The following KANSL1L variants were observed in gnomAD, a reference collection of about 807,000 sequenced individuals.
The protein encoded by KANSL1L is KAT8 regulatory NSL complex subunit 1 like.
In KANSL1L, 25 loss-of-function variants were observed where a neutral mutation model predicts 108.6. The observed-to-expected ratio is 0.23, with a 90% CI of 0.17 to 0.32. KANSL1L has a LOEUF of 0.32. KANSL1L is among the 10% of genes least tolerant of loss of function. The pLI is 1.00. For synonymous variants in KANSL1L, 405 were observed against 395.1 expected, an observed-to-expected ratio of 1.03 and a Z score of -0.30; for missense variants, 1,137 against 1,125.7, an observed-to-expected ratio of 1.01 and a Z score of -0.14.
rs1455012923 is a variant in KANSL1L at position 210,029,787 on chromosome 2, A to G, written c.2271+16T>C. The G allele has an allele frequency of 6.1e-6, 8 of 1,310,810 alleles. No homozygotes were observed. The highest frequency in any genetic ancestry group is 8.7e-6 in the Non-Finnish European group (8 of 920,478). The allele number at this position is 1,310,810 out of a possible 1,614,324, so 81.2% of individuals were successfully genotyped here. The stretch of plus-strand genomic sequence containing the variant: ...TTTTAAAGCTATTTTAGAGTTCAAC[A>G]TATGGAAAAACCTACTCGTGATGAA... On this transcript the variant is annotated intron_variant, in intron 10 of 14. Coordinates refer to ENST00000281772, the MANE Select transcript of KANSL1L (RefSeq NM_152519.4).
intron 2 of KANSL1L, among the ~76,000 whole-genome samples, chr2:210,131,205 G>T (rs1191671943): frequency 6.6e-6 from 1 of 152,134 alleles, no homozygotes; most frequent in Non-Finnish European, 1.5e-5. Context: ...TCTGCTGTGT[G>T]AAACCATTGA....
chr2:210,030,792 A>G (rs1009236350), intron 9 of KANSL1L: 6 of 152,024 alleles, frequency 3.9e-5, no homozygotes, highest in African/African-American at 4.8e-5. Context: ...CATTACATTG[A>G]CTTTTGACAG....
At chr2:210,072,089 G>T (rs1041355227) in intron 6 of KANSL1L, among the ~76,000 whole-genome samples, 4 of 152,044 alleles carry the variant, frequency 2.6e-5, no homozygotes, top group Admixed American at 2.6e-4. Flanking sequence ...TTCCTCAATT[G>T]TCCCAATAAT....
At chr2:210,083,625 G>A (rs1358110900) in intron 5 of KANSL1L, among the ~76,000 whole-genome samples, 2 of 151,832 alleles carry the variant, frequency 1.3e-5, no homozygotes, top group African/African-American at 2.4e-5. Flanking sequence ...TTAGGAGATC[G>A]AGACCATCCT....
intron 6 of KANSL1L, among the ~76,000 whole-genome samples, chr2:210,052,596 A>C (rs1256230658): frequency 1.3e-5 from 2 of 152,146 alleles, no homozygotes; most frequent in Non-Finnish European, 2.9e-5. Context: ...TCCTATCTAA[A>C]ATAAACTCCT....
At position 210,028,924 on chromosome 2, in the gene KANSL1L, C is replaced by T. The variant is rs780884577; in HGVS notation, c.2317G>A (p.Asp773Asn). ...AATGACATGGGAATCACAATGTTAT[C>T]TATGTCATAAGAGCTCTCACTTCTC... is the stretch of plus-strand genomic sequence containing the variant. ...RLRSESSYDI[D>N]NIVIPMSLVA... is the part of the protein sequence containing the mutation. Residue 773 changes from aspartate to asparagine, a missense_variant, in exon 11 of 15, where the codon GAT (aspartate) becomes AAT (asparagine). Physicochemically the swap from Asp to Asn is conservative, Grantham distance 23 (BLOSUM62 1). Coordinates refer to ENST00000281772, the MANE Select transcript of KANSL1L (RefSeq NM_152519.4). The T allele has an allele frequency of 1.9e-6, 3 of 1,608,414 alleles. No homozygotes were observed. The highest frequency in any genetic ancestry group is 2.2e-5 in the East Asian group (1 of 44,748).
rs951871964 is a variant in KANSL1L at position 210,022,795 on chromosome 2, A to G, written c.*154T>C. The G allele has an allele frequency of 3.2e-6, 2 of 616,096 alleles. No homozygotes were observed. Among genetic ancestry groups the G allele is most frequent in the African/African-American group, 3.7e-5 (2 of 53,882 alleles). 38.2% of individuals were successfully genotyped at this position (616,096 alleles called of 1,614,324 possible). A position where few individuals can be genotyped will look rare whatever the true frequency, so the allele number is the denominator to read the frequency against. On this transcript the variant is annotated 3_prime_UTR_variant, in exon 15 of 15. Coordinates refer to ENST00000281772, the MANE Select transcript of KANSL1L (RefSeq NM_152519.4). ...TGGTTACCCTTATGGTTCCAGAAGG[A>G]AAAACAGACTTATCTTGCCTGTTTC...
intron 6 of KANSL1L, among the ~76,000 whole-genome samples, chr2:210,061,593 C>T (rs990423418): frequency 3.3e-5 from 5 of 152,070 alleles, no homozygotes; most frequent in Non-Finnish European, 5.9e-5. Flanking sequence ...CTATGCCTAC[C>T]AGTGTATTTT....
chr2:210,042,061 T>C (rs2094169797), intron 7 of KANSL1L, among the ~76,000 whole-genome samples: 1 of 152,226 alleles, frequency 6.6e-6, no homozygotes, highest in Non-Finnish European at 1.5e-5. Flanking sequence ...AGCAATATTA[T>C]ACTTATGAGG....
intron 1 of KANSL1L, among the ~76,000 whole-genome samples, chr2:210,156,214 C>T (rs372380737): frequency 5.9e-5 from 9 of 151,960 alleles, no homozygotes; most frequent in African/African-American, 1.4e-4. Context: ...ATTAACAAAA[C>T]AAGAGCCTAG....
intron 2 of KANSL1L, among the ~76,000 whole-genome samples, chr2:210,140,352 G>C (rs1010692841): frequency 6.6e-6 from 1 of 152,022 alleles, no homozygotes; most frequent in Admixed American, 6.6e-5. Context: ...GTAAGATAAG[G>C]GTCCAATTTC....
intron 3 of KANSL1L, among the ~76,000 whole-genome samples, chr2:210,122,517 A>AAAATC (rs1216775216): frequency 6.6e-6 from 1 of 152,214 alleles, no homozygotes; most frequent in African/African-American, 2.4e-5. Context: ...GCCATATACA[A>AAAATC]AAATCAAATC....
intron 6 of KANSL1L, among the ~76,000 whole-genome samples, chr2:210,062,591 G>C (rs2094431099): frequency 6.6e-6 from 1 of 152,206 alleles, no homozygotes; most frequent in South Asian, 2.1e-4. Flanking sequence ...ATGAAATCCA[G>C]GCTGAGGTAG....
intron 2 of KANSL1L, among the ~76,000 whole-genome samples, chr2:210,139,889 A>G (rs2095212825): frequency 6.6e-6 from 1 of 151,730 alleles, no homozygotes; most frequent in African/African-American, 2.4e-5. Flanking sequence ...CTGCAGGTGC[A>G]CACCACCATG....
chr2:210,104,510 A>G (rs2094827340), intron 3 of KANSL1L, among the ~76,000 whole-genome samples: 1 of 152,202 alleles, frequency 6.6e-6, no homozygotes, highest in South Asian at 2.1e-4. Context: ...GACTTGTAAA[A>G]TATTTTCTTA....
chr2:210,104,634 A>G (rs904872761), intron 3 of KANSL1L, among the ~76,000 whole-genome samples: 10 of 152,188 alleles, frequency 6.6e-5, no homozygotes, highest in African/African-American at 2.4e-4. Flanking sequence ...TTCAGATTGA[A>G]ATCTAGAATA....
chr2:210,065,744 C>T (rs539326743), intron 6 of KANSL1L, among the ~76,000 whole-genome samples: 1 of 152,148 alleles, frequency 6.6e-6, no homozygotes, highest in Admixed American at 6.5e-5. Context: ...CACCACCACG[C>T]CCGGCTAATA....
intron 5 of KANSL1L, among the ~76,000 whole-genome samples, chr2:210,077,605 C>T (rs1379497074): frequency 6.6e-6 from 1 of 152,056 alleles, no homozygotes; most frequent in Non-Finnish European, 1.5e-5. Flanking sequence ...GGAGTAGATC[C>T]AGCACCAAAA....
At chr2:210,096,733 G>A in intron 5 of KANSL1L, 2 of 957,794 alleles carry the variant, frequency 2.1e-6, no homozygotes, top group Non-Finnish European at 2.5e-6. Context: ...CAATATGTAA[G>A]AATCTTTACG....
Sources: gnomAD v4.1 joint callset for allele counts (sites outside exome capture counted in the v4.1 genomes callset) on GRCh38, gnomAD v4.1.1 for gene constraint, MANE v1.5 for transcripts, NCBI Gene and HGNC (gene_info 2026-07-23, HGNC 2026-07-21) for gene names.